AKAP6: variants seen among roughly 807,000 people sequenced by gnomAD.
AKAP6 encodes A-kinase anchoring protein 6.
In AKAP6, 58 loss-of-function variants were observed where a neutral mutation model predicts 188.5. The ratio of observed to expected loss-of-function variants is 0.31; its 90% confidence interval spans 0.25 to 0.38. AKAP6 has a LOEUF of 0.38. AKAP6 is among the 10% of genes least tolerant of loss of function. The pLI is 1.00. For missense variants in AKAP6, 2,710 were observed against 2,740.0 expected, an observed-to-expected ratio of 0.99 and a Z score of 0.24; for synonymous variants, 989 against 998.6, an observed-to-expected ratio of 0.99 and a Z score of 0.18.
At chr14:32,360,987 G>A (rs1422433750) in intron 1 of AKAP6, among the ~76,000 whole-genome samples, 1 of 150,952 alleles carries the variant, frequency 6.6e-6, no homozygotes, top group Non-Finnish European at 1.5e-5. Context: ...GGGCTCAAGT[G>A]ATCCTTCTGC....
intron 9 of AKAP6, among the ~76,000 whole-genome samples, chr14:32,715,471 G>A (rs1011436596): frequency 1.3e-5 from 2 of 151,922 alleles, no homozygotes; most frequent in Admixed American, 6.6e-5. Context: ...TGAAATAATA[G>A]CAAAGATAGC....
At chr14:32,560,824 G>A (rs2139206718) in intron 4 of AKAP6, among the ~76,000 whole-genome samples, 1 of 152,176 alleles carries the variant, frequency 6.6e-6, no homozygotes, top group Admixed American at 6.5e-5. Flanking sequence ...GTTGCTGGTA[G>A]GATGTTTCAG....
chr14:32,606,834 G>A (rs887615715), intron 7 of AKAP6, among the ~76,000 whole-genome samples: 4 of 152,184 alleles, frequency 2.6e-5, no homozygotes, highest in African/African-American at 9.7e-5. Flanking sequence ...AGAACAGCAA[G>A]CTTAAGGATA....
intron 11 of AKAP6, among the ~76,000 whole-genome samples, chr14:32,759,887 A>G (rs549206427): frequency 6.6e-6 from 1 of 152,362 alleles, no homozygotes; most frequent in South Asian, 2.1e-4. Flanking sequence ...TTACACTTCA[A>G]CATGAGATTT....
At chr14:32,698,205 T>A (rs935550835) in intron 9 of AKAP6, among the ~76,000 whole-genome samples, 3 of 152,012 alleles carry the variant, frequency 2.0e-5, no homozygotes, top group Admixed American at 6.6e-5. Context: ...ATTAGAAAAA[T>A]TGATGAGAAG....
chr14:32,744,306 A>ATTATTTTATT (rs574134264), intron 11 of AKAP6, among the ~76,000 whole-genome samples: 3 of 148,114 alleles, frequency 2.0e-5, no homozygotes, highest in Non-Finnish European at 4.5e-5. Context: ...TTTTTTTTTA[A>ATTATTTTATT]TTATTTTATT....
chr14:32,606,662 C>T (rs191444504), intron 7 of AKAP6, among the ~76,000 whole-genome samples: 54 of 148,922 alleles, frequency 3.6e-4, no homozygotes, highest in African/African-American at 1.2e-3. Flanking sequence ...CAACTAACAT[C>T]TTCATTTCTT....
At chr14:32,615,166 T>TAAAAAAAAAAAAAAAAA (rs1189263130) in intron 7 of AKAP6, among the ~76,000 whole-genome samples, 1 of 19,900 alleles carries the variant, frequency 5.0e-5, no homozygotes, top group Non-Finnish European at 7.6e-5. Flanking sequence ...AGACTCTGTC[T>TAAAAAAAAAAAAAAAAA]CAAAAAAAAA....
At chr14:32,653,128 A>G (rs1393840279) in intron 7 of AKAP6, among the ~76,000 whole-genome samples, 1 of 152,178 alleles carries the variant, frequency 6.6e-6, no homozygotes, top group Admixed American at 6.5e-5. Context: ...CATAACATTT[A>G]AAGTGTGGAA....
rs1024760966 is a variant in AKAP6, at chr14:32,676,133, A to G, written c.2731-2178A>G. ...GCATTATTCTAATTGGGTCAGTGGA[A>G]TACTTAGTGTGGGTATAATACTCGT... On this transcript the variant is annotated intron_variant, in intron 7 of 13. Coordinates refer to ENST00000280979, the MANE Select transcript of AKAP6 (RefSeq NM_004274.5). Among the ~76,000 whole-genome samples the G allele has an allele frequency of 2.0e-5, 3 of 152,156 alleles. No homozygotes were observed. The South Asian group carries it at 6.2e-4, about 32-fold the overall frequency.
intron 1 of AKAP6, among the ~76,000 whole-genome samples, chr14:32,386,127 T>C (rs894447619): frequency 2.2e-4 from 34 of 151,982 alleles, no homozygotes; most frequent in African/African-American, 7.7e-4. Flanking sequence ...TACCCAGTAG[T>C]GGGATTGCTG....
At chr14:32,556,965 G>T (rs1259126521) in intron 4 of AKAP6, among the ~76,000 whole-genome samples, 4 of 150,896 alleles carry the variant, frequency 2.7e-5, no homozygotes, top group African/African-American at 7.3e-5. Context: ...ATATTTTAAG[G>T]GTCTCACTCT....
Position 32,831,271 on chromosome 14 carries a change from G to A in AKAP6, c.*1466G>A, listed in dbSNP as rs918215690. 4 of 152,142 alleles carry A rather than the reference G, an allele frequency of 2.6e-5. No homozygotes were observed. The highest frequency in any genetic ancestry group is 5.9e-5 in the Non-Finnish European group (4 of 68,022). 9.4% of individuals were successfully genotyped at this position (152,142 alleles called of 1,614,324 possible). On this transcript the variant is annotated 3_prime_UTR_variant, in exon 14 of 14. Coordinates refer to ENST00000280979, the MANE Select transcript of AKAP6 (RefSeq NM_004274.5). ...TGGCCTTTACTGACTCCTGTTAAAT[G>A]CAGTTTTAAATTTATATCGTAACAC...
chr14:32,472,426 G>A (rs951504465), intron 2 of AKAP6, among the ~76,000 whole-genome samples: 2 of 152,122 alleles, frequency 1.3e-5, no homozygotes, highest in Admixed American at 6.5e-5. Flanking sequence ...GCTGTCCACC[G>A]CATTCAATAG....
chr14:32,660,128 A>G (rs1031654964), intron 7 of AKAP6, among the ~76,000 whole-genome samples: 1 of 152,148 alleles, frequency 6.6e-6, no homozygotes, highest in Non-Finnish European at 1.5e-5. Context: ...ATTAATGAAG[A>G]GTGATGCAGG....
At chr14:32,351,169 G>T (rs1887253234) in intron 1 of AKAP6, among the ~76,000 whole-genome samples, 1 of 152,136 alleles carries the variant, frequency 6.6e-6, no homozygotes, top group African/African-American at 2.4e-5. Context: ...AAGCATTTTA[G>T]ATATATATCT....
intron 9 of AKAP6, among the ~76,000 whole-genome samples, chr14:32,718,949 A>T (rs546663363): frequency 1.3e-5 from 2 of 152,270 alleles, no homozygotes; most frequent in Non-Finnish European, 2.9e-5. Flanking sequence ...CTGACCTCCT[A>T]CAGTCCCTTG....
intron 12 of AKAP6, among the ~76,000 whole-genome samples, chr14:32,811,022 G>C (rs1036621667): frequency 6.6e-6 from 1 of 151,868 alleles, no homozygotes; most frequent in African/African-American, 2.4e-5. Flanking sequence ...GGCAGATCAC[G>C]AGGTCAGGAG....
chr14:32,570,253 C>T (rs1408482842), intron 4 of AKAP6, among the ~76,000 whole-genome samples: 1 of 150,456 alleles, frequency 6.6e-6, no homozygotes, highest in East Asian at 2.0e-4. Context: ...GCCTCAGCCT[C>T]CTAAGTAGCT....
Sources: allele counts gnomAD v4.1 joint callset (sites outside exome capture counted in the v4.1 genomes callset), GRCh38; gene constraint gnomAD v4.1.1; transcripts MANE v1.5; gene names NCBI Gene and HGNC (gene_info 2026-07-23, HGNC 2026-07-21).